PKNOX2: variants seen among roughly 807,000 people sequenced by gnomAD.
PKNOX2 encodes homeobox protein PKNOX2.
In PKNOX2, 14 loss-of-function variants were observed where a neutral mutation model predicts 53.1. That is an observed-to-expected ratio of 0.26 (90% confidence interval 0.17 to 0.41). The LOEUF (loss-of-function observed/expected upper bound fraction) is 0.41, where lower values mean the gene tolerates loss of function less well. Among genes scored for constraint, PKNOX2 ranks in the 10% least tolerant of loss-of-function variants. The pLI is 1.00. For synonymous variants in PKNOX2, 257 were observed against 242.8 expected, an observed-to-expected ratio of 1.06 and a Z score of -0.54; for missense variants, 496 against 602.8, an observed-to-expected ratio of 0.82 and a Z score of 1.85.
chr11:125,363,321 C>G (rs1379389315), intron 4 of PKNOX2, among the ~76,000 whole-genome samples: 1 of 152,214 alleles, frequency 6.6e-6, no homozygotes, highest in Non-Finnish European at 1.5e-5. Flanking sequence ...TAGCCATTGT[C>G]TGGTTCTCTT....
chr11:125,278,731 A>G (rs771429515), intron 2 of PKNOX2, among the ~76,000 whole-genome samples: 14 of 152,350 alleles, frequency 9.2e-5, no homozygotes, highest in Non-Finnish European at 1.8e-4. Context: ...CAGTAATGGC[A>G]GGTGAGAATC....
At chr11:125,279,536 C>T (rs1013551156) in intron 2 of PKNOX2, among the ~76,000 whole-genome samples, 5 of 152,196 alleles carry the variant, frequency 3.3e-5, no homozygotes, top group African/African-American at 4.8e-5. Context: ...TGGTATGCCT[C>T]ACCTTGCCAT....
intron 1 of PKNOX2, among the ~76,000 whole-genome samples, chr11:125,231,198 C>T (rs1461516009): frequency 6.6e-6 from 1 of 152,200 alleles, no homozygotes; most frequent in Non-Finnish European, 1.5e-5. Flanking sequence ...CTGTGTCAGA[C>T]CTATGGCTTT....
intron 2 of PKNOX2, among the ~76,000 whole-genome samples, chr11:125,305,218 C>A (rs913543999): frequency 3.3e-5 from 5 of 152,194 alleles, no homozygotes; most frequent in African/African-American, 1.2e-4. Context: ...GCCACTCCGG[C>A]TTCAGCCTTT....
rs1003903879 is a variant in PKNOX2, at chr11:125,432,613, C to T, written c.*1221C>T. 6.5e-5 allele frequency: 10 copies of T among 152,830 alleles called. No individual in the cohort carries two copies. Among genetic ancestry groups the T allele is most frequent in the African/African-American group, 2.2e-4 (9 of 41,482 alleles). 9.5% of individuals were successfully genotyped at this position (152,830 alleles called of 1,614,324 possible). A position where few individuals can be genotyped will look rare whatever the true frequency, so the allele number is the denominator to read the frequency against. On this transcript the variant is annotated 3_prime_UTR_variant, in exon 13 of 13. Transcript: ENST00000298282. ...TGTTCTAACCCTGCTATCCACAGCC[C>T]TGGAGGAACTGGGGCTCCTGGAAGG...
At chr11:125,203,481 CCCTT>C (rs547801520) in intron 1 of PKNOX2, among the ~76,000 whole-genome samples, 63 of 152,346 alleles carry the variant, frequency 4.1e-4, no homozygotes, top group African/African-American at 1.4e-3. Flanking sequence ...CTGTAGGTCT[CCCTT>C]CCTTGGCCCT....
At chr11:125,252,048 C>G (rs560626657) in intron 2 of PKNOX2, among the ~76,000 whole-genome samples, 1 of 152,100 alleles carries the variant, frequency 6.6e-6, no homozygotes, top group Non-Finnish European at 1.5e-5. Context: ...AAGCAGGCAC[C>G]TCTAGCACAA....
intron 5 of PKNOX2, 47 bp from the exon 6 acceptor site, chr11:125,385,504 C>CA (rs1953562163): frequency 6.5e-7 from 1 of 1,533,834 alleles, no homozygotes; most frequent in Admixed American, 2.2e-5. Flanking sequence ...CAGGTAGCAG[C>CA]ACGGTCTCTG....
Position 125,430,139 on chromosome 11 carries a change from A to G in PKNOX2, c.1190A>G (p.Asp397Gly), listed in dbSNP as rs778423626. 1.9e-6 allele frequency: 3 copies of G among 1,613,792 alleles called. No individual in the cohort carries two copies. Among genetic ancestry groups the G allele is most frequent in the East Asian group, 4.5e-5 (2 of 44,868 alleles). ...QQGGAPGTNPDGSINLDNLQS... is the reference protein window; with the variant it reads ...QQGGAPGTNPGGSINLDNLQS... Reference sequence around the variant, plus strand: ...GGCGGTGCCCCAGGGACAAACCCCGATGGTAAGAACTGGGGCTGAGTGCAC... The same window carrying G: ...GGCGGTGCCCCAGGGACAAACCCCGGTGGTAAGAACTGGGGCTGAGTGCAC... The change falls in exon 12 of 13, where the codon GAT becomes GGT. Residue 397 changes from aspartate to glycine, a missense_variant and splice_region_variant. By Grantham distance (94) the Asp-to-Gly change is moderately conservative. Transcript: ENST00000298282.
At chr11:125,353,072 A>C (rs1951404475) in intron 4 of PKNOX2, among the ~76,000 whole-genome samples, 1 of 152,208 alleles carries the variant, frequency 6.6e-6, no homozygotes, top group Admixed American at 6.5e-5. Context: ...CATTCCACTC[A>C]GCCAGCACAC....
intron 1 of PKNOX2, among the ~76,000 whole-genome samples, chr11:125,178,791 C>T (rs949076028): frequency 1.8e-4 from 27 of 151,786 alleles, no homozygotes; most frequent in South Asian, 1.0e-3. Context: ...TGGGTCAGAG[C>T]AGAAAGAGCA....
At chr11:125,383,973 C>T (rs1953439092) in intron 5 of PKNOX2, among the ~76,000 whole-genome samples, 1 of 152,202 alleles carries the variant, frequency 6.6e-6, no homozygotes, top group African/African-American at 2.4e-5. Flanking sequence ...CAAAAACCTA[C>T]ATTGCATAGT....
At chr11:125,211,540 CAG>C (rs1939848982) in intron 1 of PKNOX2, among the ~76,000 whole-genome samples, 1 of 152,096 alleles carries the variant, frequency 6.6e-6, no homozygotes, top group Admixed American at 6.6e-5. Context: ...AGGTCTCTGG[CAG>C]AGAGCGACTG....
intron 7 of PKNOX2, among the ~76,000 whole-genome samples, chr11:125,406,820 G>A (rs1337983369): frequency 6.7e-6 from 1 of 148,996 alleles, no homozygotes; most frequent in Non-Finnish European, 1.5e-5. Context: ...TACTCAGCGT[G>A]TACGATCTTT....
chr11:125,388,793 G>A (rs1022674704), intron 6 of PKNOX2, among the ~76,000 whole-genome samples: 1 of 152,134 alleles, frequency 6.6e-6, no homozygotes, highest in Non-Finnish European at 1.5e-5. Flanking sequence ...GATCAGAGAG[G>A]TTCCCAGATT....
intron 2 of PKNOX2, among the ~76,000 whole-genome samples, chr11:125,259,336 A>T (rs1223380857): frequency 6.6e-6 from 1 of 152,232 alleles, no homozygotes; most frequent in Admixed American, 6.5e-5. Context: ...GAGGCAGGAC[A>T]TACATAAGGT....
At chr11:125,324,619 G>A (rs111937263) in intron 2 of PKNOX2, among the ~76,000 whole-genome samples, 3 of 152,164 alleles carry the variant, frequency 2.0e-5, no homozygotes, top group African/African-American at 4.8e-5. Context: ...TGGCTGGAAC[G>A]GTCCTCGTGC....
chr11:125,296,958 A>T (rs1381924272), intron 2 of PKNOX2, among the ~76,000 whole-genome samples: 2 of 152,198 alleles, frequency 1.3e-5, no homozygotes, highest in African/African-American at 4.8e-5. Flanking sequence ...TCACCCAACG[A>T]GAAGTTGTCC....
chr11:125,265,054 G>A (rs918374433), intron 2 of PKNOX2, among the ~76,000 whole-genome samples: 1 of 152,108 alleles, frequency 6.6e-6, no homozygotes, highest in African/African-American at 2.4e-5. Context: ...TCTGGGAGGC[G>A]AAGGCGGGCA....
Sources: allele counts gnomAD v4.1 joint callset (sites outside exome capture counted in the v4.1 genomes callset), GRCh38; gene constraint gnomAD v4.1.1; transcripts MANE v1.5; gene names NCBI Gene and HGNC (gene_info 2026-07-23, HGNC 2026-07-21).